The following PARD3B variants were observed in gnomAD, a reference collection of about 807,000 sequenced individuals.
The protein encoded by PARD3B is par-3 family cell polarity regulator beta, also known as partitioning defective 3 homolog B.
A neutral mutation model predicts 130.2 loss-of-function variants in PARD3B; 103 were observed. The observed-to-expected ratio is 0.79, with a 90% CI of 0.67 to 0.93. The LOEUF (loss-of-function observed/expected upper bound fraction) is 0.93. Ranked by LOEUF, PARD3B falls within the 40% of genes least tolerant of loss-of-function variation. The pLI is 0.00. For synonymous variants in PARD3B, 583 were observed against 553.2 expected (o/e 1.05, Z -0.76); for missense variants, 1,609 against 1,499.2 (o/e 1.07, Z -1.21).
At chr2:205,552,390 G>A (rs1037139069) in intron 21 of PARD3B, among the ~76,000 whole-genome samples, 3 of 152,048 alleles carry the variant, frequency 2.0e-5, no homozygotes, top group African/African-American at 7.2e-5. Flanking sequence ...TATAGAAAAG[G>A]TGCTTTTATT....
intron 2 of PARD3B, among the ~76,000 whole-genome samples, chr2:204,723,804 A>G (rs2039101374): frequency 6.6e-6 from 1 of 152,184 alleles, no homozygotes; most frequent in Non-Finnish European, 1.5e-5. Flanking sequence ...TTGAAAATTG[A>G]CCAAGTAAGA....
chr2:204,926,095 T>C (rs1011400550), intron 2 of PARD3B, among the ~76,000 whole-genome samples: 1 of 152,024 alleles, frequency 6.6e-6, no homozygotes, highest in Non-Finnish European at 1.5e-5. Flanking sequence ...CTAACACACC[T>C]ACATTTTACC....
chr2:204,616,144 T>A (rs12621708), intron 1 of PARD3B, among the ~76,000 whole-genome samples: 1 of 152,134 alleles, frequency 6.6e-6, no homozygotes, highest in East Asian at 1.9e-4. Context: ...AAACTAAGAA[T>A]TTCTGTTTTG....
intron 14 of PARD3B, among the ~76,000 whole-genome samples, chr2:205,186,897 TA>T (rs1264402383): frequency 6.6e-6 from 1 of 152,150 alleles, no homozygotes; most frequent in East Asian, 1.9e-4. Context: ...TTTGGTGGCA[TA>T]AAAAAAGCCA....
At chr2:204,565,416 C>T (rs2125061818) in intron 1 of PARD3B, among the ~76,000 whole-genome samples, 1 of 152,264 alleles carries the variant, frequency 6.6e-6, no homozygotes, top group Middle Eastern at 3.4e-3. Flanking sequence ...GGTACTTTGA[C>T]TGATCTTGTA....
At chr2:205,093,622 T>C (rs1052133130) in intron 4 of PARD3B, among the ~76,000 whole-genome samples, 2 of 152,196 alleles carry the variant, frequency 1.3e-5, no homozygotes, top group Non-Finnish European at 2.9e-5. Context: ...TGCCAGGCAC[T>C]GTTCTAAGCT....
At chr2:205,054,919 T>C (rs1316302768) in intron 4 of PARD3B, among the ~76,000 whole-genome samples, 1 of 152,126 alleles carries the variant, frequency 6.6e-6, no homozygotes, top group Non-Finnish European at 1.5e-5. Flanking sequence ...GCCTGCACTT[T>C]GGTACTCTAC....
At chr2:204,965,492 G>A (rs988575015) in intron 3 of PARD3B, among the ~76,000 whole-genome samples, 169 bp downstream of exon 3, 3 of 151,944 alleles carry the variant, frequency 2.0e-5, no homozygotes, top group Admixed American at 2.0e-4. Context: ...CTGCTGCTTG[G>A]GTAAGTGGAT....
At chr2:205,555,658 C>T (rs773923927) in intron 22 of PARD3B, among the ~76,000 whole-genome samples, 1 of 152,152 alleles carries the variant, frequency 6.6e-6, no homozygotes, top group African/African-American at 2.4e-5. Flanking sequence ...GCATCTCAAA[C>T]TGGAAATAAT....
intron 19 of PARD3B, among the ~76,000 whole-genome samples, chr2:205,402,724 C>G (rs2046294498): frequency 6.6e-6 from 1 of 152,166 alleles, no homozygotes; most frequent in African/African-American, 2.4e-5. Flanking sequence ...GGCTTCGGAT[C>G]CAATTTTCTT....
intron 2 of PARD3B, among the ~76,000 whole-genome samples, chr2:204,898,017 G>A (rs188021800): frequency 1.3e-5 from 2 of 152,014 alleles, no homozygotes; most frequent in Admixed American, 1.3e-4. Flanking sequence ...CTCTGAAGGT[G>A]GTAGTAATGA....
chr2:205,489,299 G>T lies in PARD3B; in HGVS notation c.3045-10597G>T, dbSNP rs141640668. Among the ~76,000 whole-genome samples, 121 of 151,766 alleles carry T rather than the reference G, an allele frequency of 8.0e-4. 1 individual carries two copies. In the East Asian group the frequency reaches 0.023, roughly 29 times the overall value. ...CCAGTATTTGTGTAAATTACTTAAG[G>T]CTCAAAAATATTGCACTGGGGGCTG... On this transcript the variant is annotated intron_variant, in intron 20 of 22. Coordinates refer to ENST00000406610, the MANE Select transcript of PARD3B (RefSeq NM_001302769.2).
chr2:205,100,461 T>A (rs949514301), intron 4 of PARD3B, among the ~76,000 whole-genome samples: 1 of 152,098 alleles, frequency 6.6e-6, no homozygotes, highest in African/African-American at 2.4e-5. Context: ...AACTGTTTTT[T>A]TTTTGCAGAT....
intron 1 of PARD3B, among the ~76,000 whole-genome samples, chr2:204,615,397 C>T (rs1018253120): frequency 7.9e-5 from 12 of 152,128 alleles, no homozygotes; most frequent in Non-Finnish European, 1.3e-4. Context: ...CTTGTTATAA[C>T]ACACATTGGT....
At chr2:204,969,391 A>T (rs1006515236) in intron 3 of PARD3B, among the ~76,000 whole-genome samples, 10 of 152,208 alleles carry the variant, frequency 6.6e-5, no homozygotes, top group Non-Finnish European at 1.2e-4. Context: ...AAGGGTGAAG[A>T]AGTCTAGAAA....
intron 22 of PARD3B, among the ~76,000 whole-genome samples, chr2:205,586,035 T>C (rs950523680): frequency 1.3e-5 from 2 of 152,164 alleles, no homozygotes; most frequent in African/African-American, 4.8e-5. Flanking sequence ...AGAAAAAAGA[T>C]TTTCTCCTAA....
intron 3 of PARD3B, among the ~76,000 whole-genome samples, chr2:205,040,970 T>A (rs1168986086): frequency 6.6e-6 from 1 of 152,296 alleles, no homozygotes; most frequent in South Asian, 2.1e-4. Flanking sequence ...CCCTTCTCCA[T>A]GCTTTCACCC....
intron 2 of PARD3B, among the ~76,000 whole-genome samples, chr2:204,813,969 A>G (rs2043055362): frequency 6.6e-6 from 1 of 151,900 alleles, no homozygotes; most frequent in African/African-American, 2.4e-5. Context: ...TTGCATTTTC[A>G]TAGAATCAGC....
At chr2:205,251,808 C>G (rs1009449474) in intron 16 of PARD3B, among the ~76,000 whole-genome samples, 4 of 152,134 alleles carry the variant, frequency 2.6e-5, no homozygotes, top group African/African-American at 9.7e-5. Context: ...TCCTCATCGA[C>G]TCATTAAGAT....
Sources: gnomAD v4.1 joint callset for allele counts (sites outside exome capture counted in the v4.1 genomes callset) on GRCh38, gnomAD v4.1.1 for gene constraint, MANE v1.5 for transcripts, NCBI Gene and HGNC (gene_info 2026-07-23, HGNC 2026-07-21) for gene names.